NLGN4Y: variants seen among roughly 807,000 people sequenced by gnomAD.
NLGN4Y encodes neuroligin-4, Y-linked.
Under a neutral mutation model 8.4 loss-of-function variants are expected in NLGN4Y, and 4 were observed. The ratio of observed to expected loss-of-function variants is 0.48; its 90% confidence interval spans 0.23 to 1.09. The LOEUF (loss-of-function observed/expected upper bound fraction) is 1.09, where lower values mean the gene tolerates loss of function less well. Among genes scored for constraint, NLGN4Y ranks in the 50% least tolerant of loss-of-function variants. The probability of loss-of-function intolerance (pLI) is 0.19; values close to 1 mark genes in which losing one functional copy is unlikely to be tolerated. For synonymous variants in NLGN4Y, 35 were observed against 75.6 expected (o/e 0.46, Z 2.78); for missense variants, 90 against 192.3 (o/e 0.47, Z 3.15).
intron 1 of NLGN4Y, among the ~76,000 whole-genome samples, chrY:14,528,329 A>G (rs1603498873): frequency 2.5e-4 from 8 of 31,514 alleles, no homozygotes; most frequent in Admixed American, 1.2e-3. Context: ...CTTACTGTAT[A>G]TTATATATAT....
chrY:14,673,908 T>C (rs1603502550), intron 2 of NLGN4Y, among the ~76,000 whole-genome samples: 1 of 32,192 alleles, frequency 3.1e-5, no homozygotes, highest in African/African-American at 1.2e-4. Context: ...AAATCATCAT[T>C]CTCAGTAAAC....
At chrY:14,702,308 C>T (rs2080852651) in intron 2 of NLGN4Y, among the ~76,000 whole-genome samples, 1 of 31,290 alleles carries the variant, frequency 3.2e-5, no homozygotes, top group African/African-American at 1.2e-4. Context: ...GCTATTCCTA[C>T]CCCCTACCCC....
At position 14,622,533 on chromosome Y, in the gene NLGN4Y, T is replaced by C. The variant is rs2080514709; in HGVS notation, c.414T>C (p.Tyr138=). The C allele has an allele frequency of 5.0e-6, 2 of 397,689 alleles. No homozygotes were observed. Among genetic ancestry groups the C allele is most frequent in the South Asian group, 3.0e-5 (1 of 33,661 alleles). The part of the protein sequence containing the change: ...FTTSLDTLMT[Y]VQDQNEDCLY... ...CCAGTTTGGATACTTTGATGACCTA[T>C]GTTCAAGATCAAAATGAAGACTGCC... The change falls in exon 2 of 7, where the codon TAT becomes TAC. Residue 138 remains tyrosine, a synonymous_variant. Transcript: ENST00000684976.
Position 14,843,928 on chromosome Y carries a change from A to T in NLGN4Y, c.*2666A>T, listed in dbSNP as rs761243506. ...GTATAAACTTTTCAGCAGCATTTTA[A>T]TAATAAAATATCACACTATTTTCTA... On this transcript the variant is annotated 3_prime_UTR_variant, in exon 7 of 7. Transcript: ENST00000684976. 16 of 119,661 alleles carry T rather than the reference A, an allele frequency of 1.3e-4. No individual in the cohort carries two copies. In the African/African-American group the frequency reaches 1.5e-3, roughly 11 times the overall value. 29.8% of individuals were successfully genotyped at this position (119,661 alleles called of 400,897 possible).
intron 1 of NLGN4Y, among the ~76,000 whole-genome samples, chrY:14,577,190 A>T: frequency 3.0e-5 from 1 of 33,782 alleles, no homozygotes; most frequent in African/African-American, 1.2e-4. Flanking sequence ...GAAGGCTTCA[A>T]TAAGAAACTC....
At chrY:14,683,201 T>C in intron 2 of NLGN4Y, among the ~76,000 whole-genome samples, 1 of 33,111 alleles carries the variant, frequency 3.0e-5, no homozygotes, top group Non-Finnish European at 7.5e-5. Context: ...AATAAAAGGA[T>C]AAAAATAAAA....
intron 1 of NLGN4Y, among the ~76,000 whole-genome samples, chrY:14,567,517 C>T: frequency 2.4e-4 from 7 of 28,607 alleles, no homozygotes; most frequent in Non-Finnish European, 5.0e-4. Context: ...TGAGCCACCA[C>T]GCCCAGATTT....
intron 4 of NLGN4Y, among the ~76,000 whole-genome samples, chrY:14,772,083 T>C (rs776357410): frequency 3.0e-5 from 1 of 32,793 alleles, no homozygotes; most frequent in Admixed American, 2.8e-4. Flanking sequence ...CTAAAGGAGA[T>C]AGAGACATGA....
intron 2 of NLGN4Y, among the ~76,000 whole-genome samples, chrY:14,691,580 T>C: frequency 3.0e-5 from 1 of 33,408 alleles, no homozygotes. Flanking sequence ...AATGATCATA[T>C]TTTATTTTGT....
chrY:14,615,548 TG>T (rs2080485757), intron 1 of NLGN4Y, among the ~76,000 whole-genome samples: 1 of 33,412 alleles, frequency 3.0e-5, no homozygotes. Flanking sequence ...ATATTGATTG[TG>T]GGTTTGTAAA....
At chrY:14,750,312 A>G (rs571907042) in intron 4 of NLGN4Y, among the ~76,000 whole-genome samples, 8 of 32,603 alleles carry the variant, frequency 2.5e-4, no homozygotes, top group African/African-American at 9.6e-4. Flanking sequence ...AGTAGCTAGG[A>G]CTACAGCTGG....
chrY:14,840,382 A>G, intron 6 of NLGN4Y, 31 bp from the exon 7 acceptor site: 1 of 394,796 alleles, frequency 2.5e-6, no homozygotes, highest in Non-Finnish European at 3.6e-6. Flanking sequence ...GAAGAATATG[A>G]CCTTTCTTTT....
At chrY:14,586,043 G>T in intron 1 of NLGN4Y, among the ~76,000 whole-genome samples, 1 of 33,295 alleles carries the variant, frequency 3.0e-5, no homozygotes, top group Admixed American at 2.7e-4. Context: ...TGACTCAGTG[G>T]GGTAGAGCCT....
At chrY:14,595,852 G>T in intron 1 of NLGN4Y, among the ~76,000 whole-genome samples, 1 of 33,287 alleles carries the variant, frequency 3.0e-5, no homozygotes, top group African/African-American at 1.2e-4. Flanking sequence ...ACCGAGGAAG[G>T]TCGGATTTAG....
chrY:14,558,385 G>T, intron 1 of NLGN4Y, among the ~76,000 whole-genome samples: 1 of 33,220 alleles, frequency 3.0e-5, no homozygotes, highest in African/African-American at 1.2e-4. Context: ...ATGAAATTAT[G>T]AAGGGACAGA....
intron 4 of NLGN4Y, among the ~76,000 whole-genome samples, chrY:14,743,316 G>T (rs2081013232): frequency 3.2e-5 from 1 of 31,723 alleles, no homozygotes; most frequent in Non-Finnish European, 7.6e-5. Context: ...ATGTAGCAAA[G>T]TCTGATCTCT....
intron 1 of NLGN4Y, among the ~76,000 whole-genome samples, chrY:14,538,756 C>A (rs2080140347): frequency 3.0e-5 from 1 of 33,008 alleles, no homozygotes; most frequent in Non-Finnish European, 7.4e-5. Context: ...GTGATGGGAA[C>A]TTTGTGTTTT....
chrY:14,606,939 T>A (rs2080448917), intron 1 of NLGN4Y, among the ~76,000 whole-genome samples: 2 of 32,818 alleles, frequency 6.1e-5, no homozygotes, highest in Admixed American at 5.7e-4. Flanking sequence ...TGGCATCCCC[T>A]TTTTATCTTA....
At chrY:14,592,705 T>C (rs2150492575) in intron 1 of NLGN4Y, among the ~76,000 whole-genome samples, 1 of 33,345 alleles carries the variant, frequency 3.0e-5, no homozygotes, top group East Asian at 8.0e-4. Context: ...ATCTCCTGGT[T>C]GAAACAACTC....
Sources: gnomAD v4.1 joint callset for allele counts (sites outside exome capture counted in the v4.1 genomes callset) on GRCh38, gnomAD v4.1.1 for gene constraint, MANE v1.5 for transcripts, NCBI Gene and HGNC (gene_info 2026-07-23, HGNC 2026-07-21) for gene names.